The following ETV6 variants were observed in gnomAD, a reference collection of about 807,000 sequenced individuals.
ETV6 encodes the protein ETS variant transcription factor 6.
In ETV6, 16 loss-of-function variants were observed where a neutral mutation model predicts 51.1. The observed-to-expected ratio is 0.31, with a 90% confidence interval of 0.21 to 0.48. The LOEUF is 0.48. ETV6 is among the 20% of genes least tolerant of loss of function. The pLI, the probability that ETV6 is intolerant of heterozygous loss-of-function variation, is 0.99. For missense variants in ETV6, 458 were observed against 594.8 expected (o/e 0.77, Z 2.39); for synonymous variants, 240 against 224.1 (o/e 1.07, Z -0.64).
chr12:11,813,140 G>A (rs999782575), intron 2 of ETV6, among the ~76,000 whole-genome samples: 4 of 152,260 alleles, frequency 2.6e-5, no homozygotes, highest in East Asian at 1.9e-4. Flanking sequence ...TCCGGGGAGA[G>A]TGGATTTCAT....
chr12:11,877,539 A>G (rs1565564221), intron 5 of ETV6, among the ~76,000 whole-genome samples: 1 of 152,176 alleles, frequency 6.6e-6, no homozygotes, highest in Admixed American at 6.5e-5. Flanking sequence ...GGATGTCCCC[A>G]GAAGCCACAG....
chr12:11,735,575 G>T (rs1000113293), intron 1 of ETV6, among the ~76,000 whole-genome samples: 1 of 152,154 alleles, frequency 6.6e-6, no homozygotes, highest in Non-Finnish European at 1.5e-5. Context: ...GGCCTGGCTT[G>T]TCACTTACGA....
rs1030330354 is a variant in ETV6, at chr12:11,891,774, T to TAAAC, written c.*730_*733dup. On this transcript the variant is annotated 3_prime_UTR_variant, in exon 8 of 8. Transcript: ENST00000396373. The stretch of plus-strand genomic sequence containing the variant: ...GAGAGTCTTGGGGATTGTTGGCACC[T>TAAAC]AAACAGAATCAGTGACCCGGGTGCT... 3 of 362,894 alleles carry TAAAC rather than the reference T, an allele frequency of 8.3e-6. No homozygotes were observed. The highest frequency in any genetic ancestry group is 6.1e-5 in the African/African-American group (3 of 48,972). 22.5% of individuals were successfully genotyped at this position (362,894 alleles called of 1,614,324 possible).
intron 2 of ETV6, among the ~76,000 whole-genome samples, chr12:11,795,372 A>G (rs1945660902): frequency 6.6e-6 from 1 of 152,156 alleles, no homozygotes; most frequent in South Asian, 2.1e-4. Flanking sequence ...CTGATTCCCT[A>G]TCCTTGGAAC....
At chr12:11,700,640 T>G (rs1005423480) in intron 1 of ETV6, among the ~76,000 whole-genome samples, 1 of 152,162 alleles carries the variant, frequency 6.6e-6, no homozygotes, top group Non-Finnish European at 1.5e-5. Flanking sequence ...TACAGTAAGC[T>G]AAAGAAAAGA....
At position 11,847,292 on chromosome 12, in the gene ETV6, T is replaced by A. The variant is rs528311754; in HGVS notation, c.329-6135T>A. 1.6e-4 allele frequency among the ~76,000 whole-genome samples: 25 copies of A among 152,254 alleles called. 1 individual carries two copies. Among genetic ancestry groups the A allele is most frequent in the Admixed American group, 5.9e-4 (9 of 15,300 alleles). ...AGAAACACCATCTCATCTGTAGAGA[T>A]GTTTGTGTTAGGCACATCAAATGTG... On this transcript the variant is annotated intron_variant, in intron 3 of 7. Transcript: ENST00000396373.
intron 2 of ETV6, among the ~76,000 whole-genome samples, chr12:11,838,862 C>T (rs1946351171): frequency 6.6e-6 from 1 of 152,162 alleles, no homozygotes; most frequent in African/African-American, 2.4e-5. Context: ...CTCATTTTGC[C>T]TCTAAATAAA....
At chr12:11,673,697 A>G (rs1409801751) in intron 1 of ETV6, among the ~76,000 whole-genome samples, 1 of 152,220 alleles carries the variant, frequency 6.6e-6, no homozygotes, top group African/African-American at 2.4e-5. Context: ...CTCTTATGTA[A>G]GAGAGCTTGT....
intron 1 of ETV6, among the ~76,000 whole-genome samples, chr12:11,678,260 G>T (rs1355871457): frequency 1.3e-5 from 2 of 152,218 alleles, no homozygotes; most frequent in Non-Finnish European, 2.9e-5. Flanking sequence ...TTTGAAGGCT[G>T]TAAGTGTGTG....
chr12:11,769,232 A>G (rs1476429194), intron 2 of ETV6, among the ~76,000 whole-genome samples: 2 of 152,244 alleles, frequency 1.3e-5, no homozygotes, highest in Non-Finnish European at 1.5e-5. Context: ...TGTATGTCCT[A>G]TTATTGAAGT....
chr12:11,856,107 T>C (rs1222164185), intron 4 of ETV6, among the ~76,000 whole-genome samples: 1 of 152,216 alleles, frequency 6.6e-6, no homozygotes, highest in South Asian at 2.1e-4. Context: ...CTTCCTCTTT[T>C]CCCTTTGGCC....
At chr12:11,688,192 G>A (rs138421444) in intron 1 of ETV6, among the ~76,000 whole-genome samples, 1 of 152,116 alleles carries the variant, frequency 6.6e-6, no homozygotes, top group Non-Finnish European at 1.5e-5. Flanking sequence ...GATACCTTAC[G>A]GGCAAAGGAA....
intron 4 of ETV6, among the ~76,000 whole-genome samples, chr12:11,853,987 T>G (rs1946595648): frequency 6.6e-6 from 1 of 152,204 alleles, no homozygotes; most frequent in Non-Finnish European, 1.5e-5. Context: ...TCAAGTGCAT[T>G]ACATTTATTC....
intron 1 of ETV6, among the ~76,000 whole-genome samples, chr12:11,730,441 G>A (rs1865571813): frequency 6.6e-6 from 1 of 152,246 alleles, no homozygotes; most frequent in Non-Finnish European, 1.5e-5. Flanking sequence ...CAATTGTAGT[G>A]TGCACAAAGG....
chr12:11,721,208 C>T (rs1446244405), intron 1 of ETV6, among the ~76,000 whole-genome samples: 2 of 152,126 alleles, frequency 1.3e-5, no homozygotes, highest in Non-Finnish European at 2.9e-5. Flanking sequence ...AATCTCATTA[C>T]TGGGTGTATA....
intron 1 of ETV6, among the ~76,000 whole-genome samples, chr12:11,703,475 TA>T (rs547801759): frequency 4.4e-4 from 64 of 145,130 alleles, no homozygotes; most frequent in South Asian, 8.7e-4. Context: ...TCTTCAATAT[TA>T]AAAAAAAAAA....
intron 1 of ETV6, among the ~76,000 whole-genome samples, chr12:11,733,782 C>T (rs1333114532): frequency 6.6e-6 from 1 of 152,210 alleles, no homozygotes; most frequent in Admixed American, 6.5e-5. Context: ...CCCACATACC[C>T]TGTTCAGCCA....
chr12:11,740,735 G>A (rs986159257), intron 1 of ETV6, among the ~76,000 whole-genome samples: 6 of 152,102 alleles, frequency 3.9e-5, no homozygotes, highest in Admixed American at 1.3e-4. Flanking sequence ...AAATAAATAC[G>A]CCGGGTTCTT....
rs11395687 is a variant in ETV6, at chr12:11,865,250, C to CAA, written c.464-4156_464-4155dup. On this transcript the variant is annotated intron_variant, in intron 4 of 7. Coordinates refer to ENST00000396373, the MANE Select transcript of ETV6 (RefSeq NM_001987.5). ...TGGGTGAAAGAGCGAGACTCCGTCT[C>CAA]AAAAAAAAAAAAAAAAAAATAGTGT... 7.1e-3 allele frequency among the ~76,000 whole-genome samples: 588 copies of CAA among 82,760 alleles called. 7 individuals carry two copies. The highest frequency in any genetic ancestry group is 0.017 in the Middle Eastern group (3 of 180). 54.3% of individuals were successfully genotyped at this position (82,760 alleles called of 152,430 possible).
Sources: allele counts gnomAD v4.1 joint callset (sites outside exome capture counted in the v4.1 genomes callset), GRCh38; gene constraint gnomAD v4.1.1; transcripts MANE v1.5; gene names NCBI Gene and HGNC (gene_info 2026-07-23, HGNC 2026-07-21).